Variants in LYPD6 observed in about 807,000 individuals in gnomAD.
LYPD6 encodes LY6/PLAUR domain containing 6, also known as ly6/PLAUR domain-containing protein 6.
LYPD6 carries 15 observed loss-of-function variants against 22.7 expected under a neutral mutation model. The ratio of observed to expected loss-of-function variants is 0.66; its 90% CI spans 0.44 to 1.02. The LOEUF is 1.02. Ranked by LOEUF, LYPD6 falls within the 50% of genes least tolerant of loss-of-function variation. The probability of loss-of-function intolerance (pLI) is 0.00; values close to 1 mark genes in which losing one functional copy is unlikely to be tolerated. For synonymous variants in LYPD6, 72 were observed against 77.5 expected (o/e 0.93, Z 0.37); for missense variants, 189 against 208.4 (o/e 0.91, Z 0.57).
chr2:149,410,819 T>C (rs1682835099), intron 1 of LYPD6, among the ~76,000 whole-genome samples: 1 of 152,218 alleles, frequency 6.6e-6, no homozygotes, highest in Non-Finnish European at 1.5e-5. Context: ...TACATTTGCA[T>C]TATGAAGGGC....
At chr2:149,447,796 T>A (rs1219079943) in intron 2 of LYPD6, among the ~76,000 whole-genome samples, 1 of 152,258 alleles carries the variant, frequency 6.6e-6, no homozygotes, top group Admixed American at 6.5e-5. Context: ...CCTTTTTAAT[T>A]AAAATTTTTA....
intron 1 of LYPD6, among the ~76,000 whole-genome samples, chr2:149,429,889 C>T (rs913205306): frequency 3.3e-5 from 5 of 152,144 alleles, no homozygotes; most frequent in African/African-American, 1.2e-4. Flanking sequence ...GGCACTTAGG[C>T]TGCTAACATG....
chr2:149,467,119 AG>A (rs1450901242), intron 3 of LYPD6, among the ~76,000 whole-genome samples: 1 of 152,222 alleles, frequency 6.6e-6, no homozygotes, highest in East Asian at 1.9e-4. Flanking sequence ...AAGATAGTTT[AG>A]GGCTTTGGGA....
intron 1 of LYPD6, among the ~76,000 whole-genome samples, chr2:149,409,802 C>T (rs548969400): frequency 3.9e-5 from 6 of 152,220 alleles, no homozygotes; most frequent in Non-Finnish European, 7.4e-5. Flanking sequence ...TCACTCCTAC[C>T]GTGAGTAGGA....
chr2:149,360,376 AT>A lies in LYPD6; in HGVS notation c.-72+29659del, dbSNP rs888851587. Among the ~76,000 whole-genome samples the A allele has an allele frequency of 2.1e-4, 32 of 152,052 alleles. 1 individual carries two copies. Among genetic ancestry groups the A allele is most frequent in the African/African-American group, 6.5e-4 (27 of 41,396 alleles). On this transcript the variant is annotated intron_variant, in intron 1 of 4. Transcript: ENST00000334166. ...ATGCAGCTCAGTAGGTCTCAGCCTT[AT>A]TTTTCCCAGCCCCTATTCAAGATGG...
At chr2:149,331,743 A>G (rs1003734537) in intron 1 of LYPD6, among the ~76,000 whole-genome samples, 1 of 152,202 alleles carries the variant, frequency 6.6e-6, no homozygotes, top group Non-Finnish European at 1.5e-5. Flanking sequence ...GCTTCTTTCT[A>G]TGGTAACCTA....
chr2:149,475,863 C>G (rs1681443607), downstream of LYPD6, among the ~76,000 whole-genome samples: 1 of 152,122 alleles, frequency 6.6e-6, no homozygotes, highest in South Asian at 2.1e-4. Context: ...TTGGGAGGCC[C>G]CACTGGTAGT....
chr2:149,482,058 G>A, the LYPD6 span, among the ~76,000 whole-genome samples: 1 of 152,060 alleles, frequency 6.6e-6, no homozygotes, highest in Admixed American at 6.6e-5. Flanking sequence ...TACCCCCAGA[G>A]ATGCAAATTG....
At chr2:149,469,019 A>G (rs1204845236) in intron 4 of LYPD6, among the ~76,000 whole-genome samples, 1 of 152,330 alleles carries the variant, frequency 6.6e-6, no homozygotes, top group South Asian at 2.1e-4. Flanking sequence ...TGTTATTGTA[A>G]TAACTTTCTT....
intron 3 of LYPD6, among the ~76,000 whole-genome samples, chr2:149,468,079 C>A (rs1681242056): frequency 6.6e-6 from 1 of 151,200 alleles, no homozygotes; most frequent in East Asian, 2.0e-4. Context: ...CAGCTATGCT[C>A]ATTGGCACAA....
downstream of LYPD6, among the ~76,000 whole-genome samples, chr2:149,475,613 AT>A (rs1230960318): frequency 2.6e-5 from 4 of 152,096 alleles, no homozygotes; most frequent in African/African-American, 9.7e-5. Flanking sequence ...TCTTTGACAA[AT>A]TTTAACTCCA....
rs577588932 is a variant in LYPD6, at chr2:149,405,148, G to T, written c.-71-32490G>T. Among the ~76,000 whole-genome samples, 183 of 152,088 alleles carry T rather than the reference G, an allele frequency of 1.2e-3. 2 individuals carry two copies. The highest frequency in any genetic ancestry group is 3.5e-3 in the African/African-American group (144 of 41,378). ...GGATTTGGTTTGCCAGTATTTTATT[G>T]AGGATTTTTGCATCAATGTTCATCA... On this transcript the variant is annotated intron_variant, in intron 1 of 4. Transcript: ENST00000334166.
At chr2:149,476,148 G>T (rs549793850), downstream of LYPD6, among the ~76,000 whole-genome samples, 1 of 152,208 alleles carries the variant, frequency 6.6e-6, no homozygotes, top group African/African-American at 2.4e-5. Flanking sequence ...CCCTTCTTTG[G>T]TGCTCAGAGT....
At chr2:149,455,325 C>G (rs1680932609) in intron 3 of LYPD6, among the ~76,000 whole-genome samples, 2 of 147,262 alleles carry the variant, frequency 1.4e-5, no homozygotes. Context: ...GTGGCACGAT[C>G]TCAGCTCACT....
intron 1 of LYPD6, among the ~76,000 whole-genome samples, chr2:149,352,313 T>C (rs1681373679): frequency 6.6e-6 from 1 of 152,142 alleles, no homozygotes; most frequent in East Asian, 1.9e-4. Context: ...AAACTGGTGG[T>C]ATTTCTTTTT....
chr2:149,428,000 A>G (rs74566806), intron 1 of LYPD6, among the ~76,000 whole-genome samples: 2,324 of 152,340 alleles, frequency 0.015, 30 homozygotes, highest in East Asian at 0.053. Flanking sequence ...GAACTTTTTT[A>G]AAAAACATTG....
At chr2:149,382,990 C>T (rs533547807) in intron 1 of LYPD6, among the ~76,000 whole-genome samples, 74 of 152,098 alleles carry the variant, frequency 4.9e-4, no homozygotes, top group Non-Finnish European at 8.7e-4. Flanking sequence ...AATATCTGGT[C>T]TATAAAAAAT....
At chr2:149,453,762 G>A (rs915067561) in intron 3 of LYPD6, among the ~76,000 whole-genome samples, 2 of 152,180 alleles carry the variant, frequency 1.3e-5, no homozygotes, top group African/African-American at 4.8e-5. Context: ...ACATAGCCCA[G>A]GCTGAAACAG....
intron 1 of LYPD6, among the ~76,000 whole-genome samples, chr2:149,437,130 TTG>T (rs778398614): frequency 2.5e-4 from 38 of 152,326 alleles, no homozygotes; most frequent in Admixed American, 4.6e-4. Context: ...TAAGGAGATT[TTG>T]TGTTACGGAG....
Sources: gnomAD v4.1 joint callset for allele counts (sites outside exome capture counted in the v4.1 genomes callset) on GRCh38, gnomAD v4.1.1 for gene constraint, MANE v1.5 for transcripts, NCBI Gene and HGNC (gene_info 2026-07-23, HGNC 2026-07-21) for gene names.